The following YEATS2 variants were observed in gnomAD, a reference collection of about 807,000 sequenced individuals.
The protein encoded by YEATS2 is YEATS domain containing 2, also known as YEATS domain-containing protein 2.
YEATS2 carries 77 observed loss-of-function variants against 163.2 expected under a neutral mutation model. The ratio of observed to expected loss-of-function variants is 0.47; its 90% CI spans 0.39 to 0.57. YEATS2 has a LOEUF of 0.57. Among genes scored for constraint, YEATS2 ranks in the 20% least tolerant of loss-of-function variants. YEATS2 has a pLI of 0.00. For missense variants in YEATS2, 1,549 were observed against 1,729.8 expected (o/e 0.90, Z 1.85); for synonymous variants, 631 against 645.1 (o/e 0.98, Z 0.33).
chr3:183,747,378 A>G (rs1257663032), intron 8 of YEATS2, among the ~76,000 whole-genome samples: 2 of 152,154 alleles, frequency 1.3e-5, no homozygotes, highest in African/African-American at 4.8e-5. Context: ...TTGGTTATAG[A>G]TAATGCTGCA....
At chr3:183,727,252 A>G (rs1717213407) in intron 6 of YEATS2, among the ~76,000 whole-genome samples, 1 of 152,254 alleles carries the variant, frequency 6.6e-6, no homozygotes, top group South Asian at 2.1e-4. Flanking sequence ...CACAAATAAT[A>G]TTAGAAATAC....
At chr3:183,714,795 T>C (rs890848842) in intron 1 of YEATS2, among the ~76,000 whole-genome samples, 4 of 152,194 alleles carry the variant, frequency 2.6e-5, no homozygotes, top group Admixed American at 2.6e-4. Context: ...CCTTTCCTTA[T>C]GAGGGCTCTT....
At chr3:183,808,842 T>C in intron 29 of YEATS2, 1 of 365,646 alleles carries the variant, frequency 2.7e-6, no homozygotes, top group Non-Finnish European at 5.1e-6. Flanking sequence ...GGCGCGAGAG[T>C]GAGACTCCAT....
At position 183,773,777 on chromosome 3, in the gene YEATS2, G is replaced by C. The variant is rs748300910; in HGVS notation, c.2351G>C (p.Arg784Pro). ...LLLIPQGAIL[R>P]ATNNANLQSG... ...CTGATCCCTCAAGGAGCCATCCTGC[G>C]AGCTACGAACAATGCTAGTTAGTGA... The change falls in exon 17 of 31, where the codon CGA becomes CCA. Residue 784 changes from arginine (R) to proline (P), a missense_variant. Coordinates refer to ENST00000305135, the MANE Select transcript of YEATS2 (RefSeq NM_018023.5). The C allele has an allele frequency of 2.5e-6, 4 of 1,608,714 alleles. No homozygotes were observed. Among genetic ancestry groups the C allele is most frequent in the Non-Finnish European group, 3.4e-6 (4 of 1,178,500 alleles).
intron 7 of YEATS2, among the ~76,000 whole-genome samples, chr3:183,729,752 A>G (rs1006649052): frequency 3.3e-5 from 5 of 151,750 alleles, no homozygotes; most frequent in Admixed American, 1.3e-4. Flanking sequence ...GCTCACTGCA[A>G]CCTCTGCTTC....
At chr3:183,758,047 T>C (rs778193051) in intron 12 of YEATS2, among the ~76,000 whole-genome samples, 5 of 152,156 alleles carry the variant, frequency 3.3e-5, no homozygotes, top group Non-Finnish European at 5.9e-5. Context: ...AAGGCAGTTG[T>C]ACAGATGGAG....
In YEATS2 at chr3:183,803,973, ATTTT is replaced by A. The variant is rs751385892; in HGVS notation, c.3583-7_3583-4del. Reference sequence around the variant, plus strand: ...GATTTGATTATGGTTCCAAAAGAAAATTTTTTTTTTAAGTGGCAAAGAGCAATGA... The same window carrying A: ...GATTTGATTATGGTTCCAAAAGAAAATTTTTTAAGTGGCAAAGAGCAATGA... On this transcript the variant is annotated splice_polypyrimidine_tract_variant and intron_variant, in intron 26 of 30. Transcript: ENST00000305135. 2 of 1,549,750 alleles carry A rather than the reference ATTTT, an allele frequency of 1.3e-6. No individual in the cohort carries two copies. The highest frequency in any genetic ancestry group is 1.1e-5 in the South Asian group (1 of 87,812).
At chr3:183,758,169 C>G (rs1228366120) in intron 12 of YEATS2, among the ~76,000 whole-genome samples, 2 of 152,142 alleles carry the variant, frequency 1.3e-5, no homozygotes, top group African/African-American at 4.8e-5. Context: ...AGCAGCCTGG[C>G]TAACATGGCG....
Position 183,721,921 on chromosome 3 carries a change from A to G in YEATS2, c.322A>G (p.Asn108Asp), listed in dbSNP as rs1378932602. The change falls in exon 5 of 31, where the codon AAT becomes GAT. Residue 108 changes from asparagine to aspartate, a missense_variant. Coordinates refer to ENST00000305135, the MANE Select transcript of YEATS2 (RefSeq NM_018023.5). ...AAAGACATGTGATACAATGGTTTTT[A>G]ATCATCCTGCTATCAAGAAATTTTT... Reference protein sequence around the residue: ...GSKTCDTMVFNHPAIKKFLES... With the variant: ...GSKTCDTMVFDHPAIKKFLES... 6.2e-7 allele frequency: 1 copy of G among 1,614,158 alleles called. No individual in the cohort carries two copies. The highest frequency in any genetic ancestry group is 8.5e-7 in the Non-Finnish European group (1 of 1,180,018).
intron 29 of YEATS2, 63 bp downstream of exon 29, chr3:183,808,167 G>A: frequency 9.5e-6 from 13 of 1,366,420 alleles, no homozygotes; most frequent in South Asian, 1.3e-5. Flanking sequence ...TTTGGAGTAA[G>A]GGGCAAGGAC....
rs1718877651 is a variant in YEATS2 at position 183,740,858 on chromosome 3, TC to T, written c.924+4030del. On this transcript the variant is annotated intron_variant, in intron 8 of 30. Transcript: ENST00000305135. The stretch of plus-strand genomic sequence containing the variant: ...TGGAAGAAGATGCCATCTAGGACTT[TC>T]ATAGCTAGAGAGGAGAAGTCAATGC... Among the ~76,000 whole-genome samples, 6 of 152,344 alleles carry T rather than the reference TC, an allele frequency of 3.9e-5. No homozygotes were observed. In the South Asian group the frequency reaches 1.2e-3, roughly 32 times the overall value.
chr3:183,719,944 A>G (rs1000391183), intron 4 of YEATS2, among the ~76,000 whole-genome samples: 1 of 152,178 alleles, frequency 6.6e-6, no homozygotes, highest in Non-Finnish European at 1.5e-5. Context: ...CAGGCCATTT[A>G]TGAATATCTC....
chr3:183,772,398 T>C lies in YEATS2; in HGVS notation c.2041T>C (p.Ser681Pro), dbSNP rs1414915767. The C allele has an allele frequency of 1.9e-6, 3 of 1,614,230 alleles. No homozygotes were observed. The highest frequency in any genetic ancestry group is 1.1e-5 in the South Asian group (1 of 91,090). Reference protein sequence around the residue: ...GGQILVAKASSSVSKAVGPKQ... With the variant: ...GGQILVAKASPSVSKAVGPKQ... ...CCAGATCCTGGTAGCCAAGGCCAGCTCTTCTGTCTCCAAAGCAGTTGGGCC... is the reference window on the plus strand; with the variant it reads ...CCAGATCCTGGTAGCCAAGGCCAGCCCTTCTGTCTCCAAAGCAGTTGGGCC... Residue 681 changes from serine (S) to proline (P), a missense_variant, in exon 16 of 31, where the codon TCT (serine) becomes CCT (proline). Physicochemically the swap from Ser to Pro is moderately conservative, Grantham distance 74. Coordinates refer to ENST00000305135, the MANE Select transcript of YEATS2 (RefSeq NM_018023.5).
chr3:183,744,102 CTTTTTTTTTTTTTTTTT>C (rs562807575), intron 8 of YEATS2, among the ~76,000 whole-genome samples: 7 of 56,002 alleles, frequency 1.2e-4, no homozygotes, highest in African/African-American at 4.1e-4. Context: ...TTTAGTTTTG[CTTTTTTTTTTTTTTTTT>C]TTTTTTTTTT....
chr3:183,725,989 A>G (rs1717053423), intron 6 of YEATS2, among the ~76,000 whole-genome samples: 1 of 151,812 alleles, frequency 6.6e-6, no homozygotes, highest in African/African-American at 2.4e-5. Flanking sequence ...CATGAGAATA[A>G]AGTAGATAAG....
chr3:183,761,725 T>A (rs1721373079), intron 14 of YEATS2, 111 bp downstream of exon 14: 1 of 983,608 alleles, frequency 1.0e-6, no homozygotes, highest in Non-Finnish European at 1.6e-6. Context: ...TCTCAACTCC[T>A]CATTCTGAGA....
At position 183,803,303 on chromosome 3, in the gene YEATS2, G is replaced by T; in HGVS notation, c.3550G>T (p.Gly1184Cys). ...FSAKSVEQYY[G>C]WNIGKRRAAE... ...TGCAAAGTCTGTGGAGCAGTACTATGGCTGGAACATTGGAAAAAGGAGAGC... is the reference window on the plus strand; with the variant it reads ...TGCAAAGTCTGTGGAGCAGTACTATTGCTGGAACATTGGAAAAAGGAGAGC... Residue 1184 changes from glycine (G) to cysteine (C), a missense_variant, in exon 26 of 31, where the codon GGC becomes TGC. Physicochemically the swap from Gly to Cys is radical, Grantham distance 159. Transcript: ENST00000305135. The T allele has an allele frequency of 6.2e-7, 1 of 1,611,848 alleles. No individual in the cohort carries two copies. The highest frequency in any genetic ancestry group is 1.1e-5 in the South Asian group (1 of 90,720).
intron 2 of YEATS2, among the ~76,000 whole-genome samples, chr3:183,716,251 G>A (rs113675769): frequency 0.025 from 3,747 of 152,150 alleles, 150 homozygotes; most frequent in African/African-American, 0.086. Flanking sequence ...GAGCCACCGC[G>A]CCCGGCAACA....
rs538830634 is a variant in YEATS2 at position 183,730,064 on chromosome 3, T to G, written c.812+1213T>G. Among the ~76,000 whole-genome samples, 137 of 97,506 alleles carry G rather than the reference T, an allele frequency of 1.4e-3. 3 individuals carry two copies. The highest frequency in any genetic ancestry group is 4.4e-3 in the Middle Eastern group (1 of 226). 64.0% of individuals were successfully genotyped at this position (97,506 alleles called of 152,430 possible). A position where few individuals can be genotyped will look rare whatever the true frequency, so the allele number is the denominator to read the frequency against. ...TGGTTTTTTGTTTGTTTTTTTTTTT[T>G]TTTTTTTTTTTTTTTTTTTTTTTGG... is the stretch of plus-strand genomic sequence containing the variant. On this transcript the variant is annotated intron_variant, in intron 7 of 30. Coordinates refer to ENST00000305135, the MANE Select transcript of YEATS2 (RefSeq NM_018023.5).
Sources: allele counts gnomAD v4.1 joint callset (sites outside exome capture counted in the v4.1 genomes callset), GRCh38; gene constraint gnomAD v4.1.1; transcripts MANE v1.5; gene names NCBI Gene and HGNC (gene_info 2026-07-23, HGNC 2026-07-21).